The following GREB1L variants were observed in gnomAD, a reference collection of about 807,000 sequenced individuals.
The protein encoded by GREB1L is GREB1-like protein.
GREB1L carries 17 observed loss-of-function variants against 200.8 expected under a neutral mutation model. That is an observed-to-expected ratio of 0.08 (90% CI 0.06 to 0.13). The LOEUF (loss-of-function observed/expected upper bound fraction) is 0.13, where lower values mean the gene tolerates loss of function less well. Among genes scored for constraint, GREB1L ranks in the 10% least tolerant of loss-of-function variants. GREB1L has a pLI of 1.00. For missense variants in GREB1L, 1,657 were observed against 2,367.7 expected (o/e 0.70, Z 6.23); for synonymous variants, 789 against 893.0 (o/e 0.88, Z 2.08).
chr18:21,466,895 A>G (rs1033120440), intron 15 of GREB1L, among the ~76,000 whole-genome samples: 3 of 152,222 alleles, frequency 2.0e-5, no homozygotes, highest in African/African-American at 7.2e-5. Flanking sequence ...TGTGGTGATG[A>G]CAAAATGATA....
chr18:21,322,261 T>C (rs1293479481), intron 1 of GREB1L, among the ~76,000 whole-genome samples: 2 of 152,164 alleles, frequency 1.3e-5, no homozygotes, highest in East Asian at 3.8e-4. Context: ...AAAAAGCTGG[T>C]ATTAAATTTA....
At chr18:21,252,487 G>A (rs1764323562) in intron 1 of GREB1L, among the ~76,000 whole-genome samples, 1 of 151,464 alleles carries the variant, frequency 6.6e-6, no homozygotes, top group South Asian at 2.1e-4. Flanking sequence ...AACCAGGGAG[G>A]CGGAGGTTGC....
intron 14 of GREB1L, among the ~76,000 whole-genome samples, chr18:21,453,945 C>G (rs2034640590): frequency 6.6e-6 from 1 of 152,302 alleles, no homozygotes; most frequent in Non-Finnish European, 1.5e-5. Flanking sequence ...GGCATCCCCT[C>G]TTTCCTTGAA....
chr18:21,362,167 T>TG (rs2039590134), intron 1 of GREB1L, among the ~76,000 whole-genome samples: 1 of 152,186 alleles, frequency 6.6e-6, no homozygotes. Context: ...TCTGAGATTA[T>TG]GAAATATTAT....
chr18:21,308,873 T>C (rs1295548691), intron 1 of GREB1L, among the ~76,000 whole-genome samples: 1 of 152,230 alleles, frequency 6.6e-6, no homozygotes, highest in Non-Finnish European at 1.5e-5. Context: ...TTGTGCCTGA[T>C]GCCTGGGCCT....
rs2033952571 is a variant in GREB1L at position 21,442,483 on chromosome 18, TTGAACA to T, written c.1207+948_1207+953del. ...TGCTGTATAGATTAGGAAGCTCTTT[TTGAACA>T]TTAACATAGTGCCACTAAGCTTTGG... On this transcript the variant is annotated intron_variant, in intron 10 of 32. Coordinates refer to ENST00000424526, the MANE Select transcript of GREB1L (RefSeq NM_001142966.3). Among the ~76,000 whole-genome samples, 5 of 152,320 alleles carry T rather than the reference TTGAACA, an allele frequency of 3.3e-5. No homozygotes were observed. The South Asian group carries it at 1.0e-3, about 32-fold the overall frequency.
At position 21,395,443 on chromosome 18, in the gene GREB1L, C is replaced by G; in HGVS notation, c.414C>G (p.Asp138Glu). ...TATCACTGTGTATGGAACAAATTGA[C>G]ATCCCAGCAGGATTCCTCCTGGTGG... ...RLVSLCMEQIDIPAGFLLVGA... is the reference protein window; with the variant it reads ...RLVSLCMEQIEIPAGFLLVGA... Residue 138 changes from aspartate (D) to glutamate (E), a missense_variant, in exon 5 of 33, where the codon GAC (aspartate) becomes GAG (glutamate). Physicochemically the swap from Asp to Glu is conservative, Grantham distance 45. Transcript: ENST00000424526. 2 of 1,551,024 alleles carry G rather than the reference C, an allele frequency of 1.3e-6. No individual in the cohort carries two copies. The highest frequency in any genetic ancestry group is 1.7e-6 in the Non-Finnish European group (2 of 1,146,612).
chr18:21,344,561 C>G (rs1012373348), intron 1 of GREB1L, among the ~76,000 whole-genome samples: 12 of 152,138 alleles, frequency 7.9e-5, no homozygotes, highest in Non-Finnish European at 1.3e-4. Flanking sequence ...ATAGTTCCTC[C>G]CCTCTGGGAA....
intron 15 of GREB1L, among the ~76,000 whole-genome samples, chr18:21,467,230 T>G (rs1422282270): frequency 6.6e-6 from 1 of 152,204 alleles, no homozygotes; most frequent in African/African-American, 2.4e-5. Flanking sequence ...GCATAAACTT[T>G]TATACATAAA....
intron 7 of GREB1L, among the ~76,000 whole-genome samples, chr18:21,416,984 T>C (rs1163784971): frequency 3.9e-5 from 6 of 151,952 alleles, no homozygotes; most frequent in African/African-American, 1.4e-4. Context: ...CATGCCACTG[T>C]ACTCCAGCCT....
chr18:21,403,770 G>C (rs745327196), intron 6 of GREB1L, 102 bp from the exon 7 acceptor site: 4 of 960,592 alleles, frequency 4.2e-6, no homozygotes, highest in Non-Finnish European at 6.2e-6. Context: ...TGCCGCTTAA[G>C]GAGCAGCGAT....
At chr18:21,290,189 G>A (rs757016655) in intron 1 of GREB1L, among the ~76,000 whole-genome samples, 7 of 152,118 alleles carry the variant, frequency 4.6e-5, no homozygotes, top group South Asian at 2.1e-4. Context: ...TTCAACTACC[G>A]AACGGATCAT....
chr18:21,401,886 T>C (rs2041332112), intron 6 of GREB1L: 1 of 152,272 alleles, frequency 6.6e-6, no homozygotes, highest in South Asian at 2.1e-4. Context: ...TTGACAGAAG[T>C]TCTCTTCACT....
chr18:21,316,069 T>C (rs112993223), intron 1 of GREB1L, among the ~76,000 whole-genome samples: 1 of 152,050 alleles, frequency 6.6e-6, no homozygotes, highest in Non-Finnish European at 1.5e-5. Flanking sequence ...ACTGTGAGAA[T>C]TGGTCTAGAA....
intron 1 of GREB1L, among the ~76,000 whole-genome samples, chr18:21,292,931 C>T (rs2038473583): frequency 6.6e-6 from 1 of 152,120 alleles, no homozygotes; most frequent in Admixed American, 6.6e-5. Flanking sequence ...ATCTCAGAGG[C>T]ATAAAGGTCT....
chr18:21,348,096 C>G (rs1401852224), intron 1 of GREB1L, among the ~76,000 whole-genome samples: 3 of 151,878 alleles, frequency 2.0e-5, no homozygotes, highest in Non-Finnish European at 2.9e-5. Flanking sequence ...AGGCACCCAC[C>G]ACCATGCCCG....
At chr18:21,319,885 G>A (rs950320715) in intron 1 of GREB1L, among the ~76,000 whole-genome samples, 1 of 152,166 alleles carries the variant, frequency 6.6e-6, no homozygotes, top group African/African-American at 2.4e-5. Context: ...GAGCTGGTTT[G>A]GCCTAAAGAA....
intron 1 of GREB1L, among the ~76,000 whole-genome samples, chr18:21,324,201 T>A (rs1415317944): frequency 6.6e-6 from 1 of 152,210 alleles, no homozygotes; most frequent in Non-Finnish European, 1.5e-5. Context: ...ACTAATAATA[T>A]TTAATAAAAT....
intron 1 of GREB1L, among the ~76,000 whole-genome samples, chr18:21,258,923 C>T (rs73959823): frequency 0.014 from 2,082 of 152,140 alleles, 51 homozygotes; most frequent in African/African-American, 0.048. Context: ...GGAATAGAGC[C>T]ATGGAATTGA....
Sources: allele counts gnomAD v4.1 joint callset (sites outside exome capture counted in the v4.1 genomes callset), GRCh38; gene constraint gnomAD v4.1.1; transcripts MANE v1.5; gene names NCBI Gene and HGNC (gene_info 2026-07-23, HGNC 2026-07-21).